MCM9: variants seen among roughly 807,000 people sequenced by gnomAD.
MCM9 encodes the protein minichromosome maintenance 9 homologous recombination repair factor.
Under a neutral mutation model 72.8 loss-of-function variants are expected in MCM9, and 55 were observed. The ratio of observed to expected loss-of-function variants is 0.76; its 90% confidence interval spans 0.61 to 0.95. The LOEUF is 0.95. MCM9 is among the 40% of genes least tolerant of loss of function. MCM9 has a pLI of 0.00. For missense variants in MCM9, 1,279 were observed against 1,377.0 expected, an observed-to-expected ratio of 0.93 and a Z score of 1.13; for synonymous variants, 480 against 503.4, an observed-to-expected ratio of 0.95 and a Z score of 0.62.
chr6:118,907,446 C>T lies in MCM9; in HGVS notation c.1150+4204G>A, dbSNP rs1203309019. The T allele has an allele frequency of 1.9e-6, 3 of 1,611,352 alleles. No homozygotes were observed. In the Admixed American group the frequency reaches 5.0e-5, roughly 27 times the overall value. On this transcript the variant is annotated intron_variant, in intron 8 of 13. Transcript: ENST00000619706. ...CATCTAATCCCAGGGTCACAAGATT[C>T]CACATTAATTGGGAAGATAACACAG...
chr6:118,908,984 A>T (rs41292548), intron 8 of MCM9: 1 of 152,720 alleles, frequency 6.5e-6, no homozygotes, highest in Non-Finnish European at 1.5e-5. Flanking sequence ...AAGTTTTGCC[A>T]GATGTTAAAC....
At chr6:118,922,753 C>T (rs748039642) in intron 4 of MCM9, among the ~76,000 whole-genome samples, 4 of 152,074 alleles carry the variant, frequency 2.6e-5, no homozygotes, top group Non-Finnish European at 5.9e-5. Flanking sequence ...TGGTTGAGGC[C>T]GGGTGTGGTG....
intron 8 of MCM9, among the ~76,000 whole-genome samples, chr6:118,905,096 A>T (rs542427272): frequency 2.3e-3 from 348 of 152,314 alleles, no homozygotes; most frequent in African/African-American, 7.9e-3. Context: ...TTGGCCTCCC[A>T]AAGTGCTGGG....
chr6:118,874,216 C>T (rs1490231173), intron 8 of MCM9, among the ~76,000 whole-genome samples: 1 of 152,132 alleles, frequency 6.6e-6, no homozygotes, highest in Non-Finnish European at 1.5e-5. Flanking sequence ...GACTGAGTCA[C>T]TGCACTCCAG....
chr6:118,926,497 A>G (rs1781905775), intron 3 of MCM9, among the ~76,000 whole-genome samples: 1 of 152,226 alleles, frequency 6.6e-6, no homozygotes, highest in Non-Finnish European at 1.5e-5. Context: ...AAGTCAAAAA[A>G]TGTAAGTCAG....
At chr6:118,857,621 C>T (rs1776641587) in intron 8 of MCM9, among the ~76,000 whole-genome samples, 1 of 100,588 alleles carries the variant, frequency 9.9e-6, no homozygotes, top group Non-Finnish European at 1.9e-5. Flanking sequence ...TCTGTCCAGA[C>T]TGACCAAAAA....
At chr6:118,824,035 CTTTTTTTTTTTTTTTTTT>C (rs137881254) in intron 13 of MCM9, among the ~76,000 whole-genome samples, 6 of 54,294 alleles carry the variant, frequency 1.1e-4, no homozygotes, top group African/African-American at 7.6e-5. Context: ...GCAAACCCAC[CTTTTTTTTTTTTTTTTTT>C]TTTTTTTTTT....
Position 118,815,092 on chromosome 6 carries a change from A to C in MCM9, c.3164T>G (p.Leu1055Ter). The C allele has an allele frequency of 6.4e-7, 1 of 1,550,848 alleles. No individual in the cohort carries two copies. Among genetic ancestry groups the C allele is most frequent in the African/African-American group, 1.4e-5 (1 of 73,124 alleles). ...AAAGCAGAAGTTTGCCAATCTGGCT[A>C]ATGTGCAGGCATGAACCTTGCCGCT... ...NKSGKVHACTLARLANFCFTP... is the reference protein window; with the variant it reads ...NKSGKVHACT The change falls in exon 14 of 14, where the codon TTA (leucine) becomes TGA (stop). Residue 1055 changes from leucine to a stop codon, truncating the protein, a stop_gained. Transcript: ENST00000619706. LOFTEE classifies it low-confidence loss of function (END_TRUNC).
chr6:118,916,375 AAAG>A (rs1310936384), intron 6 of MCM9, among the ~76,000 whole-genome samples: 1 of 149,864 alleles, frequency 6.7e-6, no homozygotes, highest in Non-Finnish European at 1.5e-5. Context: ...CACAAAAAAA[AAAG>A]AAAAAAGAAA....
intron 6 of MCM9, among the ~76,000 whole-genome samples, chr6:118,916,524 T>A (rs1232951279): frequency 2.6e-5 from 4 of 151,086 alleles, no homozygotes; most frequent in Admixed American, 2.0e-4. Context: ...AGTGGCGCGA[T>A]CTTGGCTCAT....
intron 8 of MCM9, chr6:118,911,411 A>G (rs1202801383): frequency 8.0e-7 from 1 of 1,249,032 alleles, no homozygotes; most frequent in East Asian, 3.3e-5. Context: ...GAAGGTAATC[A>G]CTAGAGAATG....
At chr6:118,910,638 T>C in intron 8 of MCM9, 1 of 985,364 alleles carries the variant, frequency 1.0e-6, no homozygotes, top group Non-Finnish European at 1.2e-6. Flanking sequence ...TATCATTTTA[T>C]ACAGAACTCT....
intron 9 of MCM9, among the ~76,000 whole-genome samples, chr6:118,836,263 A>C (rs1774951442): frequency 6.6e-6 from 1 of 152,164 alleles, no homozygotes; most frequent in South Asian, 2.1e-4. Context: ...TATTTTATGG[A>C]GGATTTTCTC....
intron 8 of MCM9, among the ~76,000 whole-genome samples, chr6:118,899,326 T>C (rs1026796472): frequency 8.5e-5 from 13 of 152,220 alleles, no homozygotes; most frequent in African/African-American, 3.1e-4. Context: ...CAAAACCGCA[T>C]GATCTGGCTG....
intron 9 of MCM9, among the ~76,000 whole-genome samples, chr6:118,853,814 T>G (rs1232373843): frequency 1.3e-5 from 2 of 152,126 alleles, no homozygotes; most frequent in East Asian, 3.9e-4. Context: ...CAAATTTTTT[T>G]TTAAATGCAG....
chr6:118,870,025 G>C (rs973273279), intron 8 of MCM9, among the ~76,000 whole-genome samples: 3 of 152,062 alleles, frequency 2.0e-5, no homozygotes, highest in African/African-American at 2.4e-5. Flanking sequence ...AAGTCTAAAA[G>C]GAGACATAGC....
Position 118,877,557 on chromosome 6 carries a change from G to C in MCM9, c.1151-21012C>G, listed in dbSNP as rs138393711. On this transcript the variant is annotated intron_variant, in intron 8 of 13. Coordinates refer to ENST00000619706, the MANE Select transcript of MCM9 (RefSeq NM_017696.3). ...AATCTGACAGTGCAAGTACTGGCAA[G>C]GTTGTGAGGCAAAGTCAACTCTCAT... 8.2e-3 allele frequency among the ~76,000 whole-genome samples: 1,244 copies of C among 152,292 alleles called. 23 individuals are homozygous for C. The highest frequency in any genetic ancestry group is 0.029 in the African/African-American group (1,199 of 41,538).
intron 8 of MCM9, among the ~76,000 whole-genome samples, chr6:118,904,403 G>T (rs773502527): frequency 2.0e-5 from 3 of 152,146 alleles, no homozygotes; most frequent in Non-Finnish European, 4.4e-5. Flanking sequence ...GCTCATCTAG[G>T]CCCAGGAATA....
At chr6:118,914,631 A>G (rs777176603) in intron 6 of MCM9, among the ~76,000 whole-genome samples, 2 of 152,218 alleles carry the variant, frequency 1.3e-5, no homozygotes, top group Non-Finnish European at 1.5e-5. Context: ...ATCCAAGCAG[A>G]TAAGACTTGA....
Sources: allele counts gnomAD v4.1 joint callset (sites outside exome capture counted in the v4.1 genomes callset), GRCh38; gene constraint gnomAD v4.1.1; transcripts MANE v1.5; gene names NCBI Gene and HGNC (gene_info 2026-07-23, HGNC 2026-07-21).